SHROOM4: variants seen among roughly 807,000 people sequenced by gnomAD.
SHROOM4 encodes the protein shroom family member 4, also known as protein Shroom4.
SHROOM4 carries 17 observed loss-of-function variants against 80.3 expected under a neutral mutation model. The ratio of observed to expected loss-of-function variants is 0.21; its 90% CI spans 0.14 to 0.32. SHROOM4 has a LOEUF of 0.32. Among genes scored for constraint, SHROOM4 ranks in the 10% least tolerant of loss-of-function variants. SHROOM4 has a pLI of 1.00. For synonymous variants in SHROOM4, 400 were observed against 437.5 expected (o/e 0.91, Z 1.07); for missense variants, 993 against 1,140.3 (o/e 0.87, Z 1.86).
At chrX:50,679,951 T>C in intron 2 of SHROOM4, among the ~76,000 whole-genome samples, 1 of 112,487 alleles carries the variant, frequency 8.9e-6, no homozygotes, top group South Asian at 3.7e-4. Flanking sequence ...CATTCTTTTA[T>C]GAAACAATCC....
intron 1 of SHROOM4, among the ~76,000 whole-genome samples, chrX:50,751,197 G>A (rs1248139304): frequency 8.9e-6 from 1 of 112,054 alleles, no homozygotes; most frequent in Non-Finnish European, 1.9e-5. Context: ...CTATGCCAAA[G>A]AGAGTCCACA....
chrX:50,633,140 A>G lies in SHROOM4; in HGVS notation c.2895+38T>C, dbSNP rs188141657. On this transcript the variant is annotated intron_variant, in intron 4 of 8. Transcript: ENST00000376020. The stretch of plus-strand genomic sequence containing the variant: ...TACGTAGCTTTCCCCTCTCAAAGAC[A>G]ATAATGAAGGTTACCCACCCAAGAA... The G allele has an allele frequency of 1.1e-3, 1,251 of 1,135,633 alleles. 1 individual carries two copies. The highest frequency in any genetic ancestry group is 1.3e-3 in the Non-Finnish European group (1,063 of 831,050). The allele number at this position is 1,135,633 out of a possible 1,213,427, so 93.6% of individuals were successfully genotyped here.
At chrX:50,702,615 A>C (rs1261168324) in intron 1 of SHROOM4, among the ~76,000 whole-genome samples, 1 of 112,122 alleles carries the variant, frequency 8.9e-6, no homozygotes, top group Admixed American at 9.5e-5. Flanking sequence ...ATTTGAAAAA[A>C]TGGTTAACTC....
intron 1 of SHROOM4, among the ~76,000 whole-genome samples, chrX:50,747,904 T>C (rs138447729): frequency 0.029 from 3,214 of 111,856 alleles, 97 homozygotes; most frequent in African/African-American, 0.098. Context: ...TCATGAATCA[T>C]GGGTATTACC....
chrX:50,812,732 C>T (rs1444611125), intron 1 of SHROOM4, among the ~76,000 whole-genome samples: 1 of 94,258 alleles, frequency 1.1e-5, no homozygotes, highest in South Asian at 5.9e-4. Context: ...TGAGATGTGA[C>T]CAATGTTGAA....
intron 1 of SHROOM4, among the ~76,000 whole-genome samples, chrX:50,785,235 T>C (rs1935715030): frequency 8.9e-6 from 1 of 111,791 alleles, no homozygotes; most frequent in African/African-American, 3.3e-5. Flanking sequence ...ATACCTACCA[T>C]ATGACCCAGC....
At chrX:50,717,375 A>G (rs782199059) in intron 1 of SHROOM4, among the ~76,000 whole-genome samples, 13 of 111,254 alleles carry the variant, frequency 1.2e-4, no homozygotes, top group East Asian at 2.9e-4. Context: ...CCGCCACCAC[A>G]CCCAGCTAAA....
At chrX:50,781,291 T>G (rs983264752) in intron 1 of SHROOM4, among the ~76,000 whole-genome samples, 3 of 111,342 alleles carry the variant, frequency 2.7e-5, no homozygotes, top group Non-Finnish European at 3.8e-5. Context: ...CTTAGCCCAG[T>G]CAAGTTGACA....
At chrX:50,769,575 C>T (rs1241797560) in intron 1 of SHROOM4, among the ~76,000 whole-genome samples, 11 of 111,619 alleles carry the variant, frequency 9.9e-5, no homozygotes, top group Admixed American at 9.5e-4. Flanking sequence ...TCTAGCCATT[C>T]TGCCAATTAC....
chrX:50,735,890 C>T (rs1934474739), intron 1 of SHROOM4, among the ~76,000 whole-genome samples: 1 of 109,114 alleles, frequency 9.2e-6, no homozygotes, highest in Admixed American at 9.8e-5. Context: ...GCCTACAGTC[C>T]CGGATACTTG....
chrX:50,764,743 C>T (rs1935236058), intron 1 of SHROOM4, among the ~76,000 whole-genome samples: 1 of 112,041 alleles, frequency 8.9e-6, no homozygotes. Flanking sequence ...TCTGGAAGTC[C>T]TGCTCCTAAA....
At chrX:50,771,431 G>C (rs1367908513) in intron 1 of SHROOM4, among the ~76,000 whole-genome samples, 1 of 112,339 alleles carries the variant, frequency 8.9e-6, no homozygotes, top group Non-Finnish European at 1.9e-5. Context: ...TGGCAGTTTG[G>C]GAGAGGGAGT....
At chrX:50,637,100 A>G (rs1931391462) in intron 3 of SHROOM4, among the ~76,000 whole-genome samples, 1 of 111,742 alleles carries the variant, frequency 8.9e-6, no homozygotes, top group African/African-American at 3.3e-5. Flanking sequence ...CTGGAAGACC[A>G]AGGGAAGGGC....
intron 1 of SHROOM4, among the ~76,000 whole-genome samples, chrX:50,793,414 T>C (rs1356795075): frequency 2.7e-5 from 3 of 110,328 alleles, no homozygotes; most frequent in Non-Finnish European, 5.7e-5. Context: ...TAAAATCCTG[T>C]TAAAATTGTA....
rs1929097884 is a variant in SHROOM4 at position 50,596,099 on chromosome X, C to G, written c.*596G>C. On this transcript the variant is annotated 3_prime_UTR_variant, in exon 9 of 9. Coordinates refer to ENST00000376020, the MANE Select transcript of SHROOM4 (RefSeq NM_020717.5). ...CTGCTGGGAAAGGTAAGGGTAGAGCCTATTTAAACCTGGTTCCTTCCTAAG... is the reference window on the plus strand; with the variant it reads ...CTGCTGGGAAAGGTAAGGGTAGAGCGTATTTAAACCTGGTTCCTTCCTAAG... 1 of 328,559 alleles carries G rather than the reference C, an allele frequency of 3.0e-6. No homozygotes were observed. The highest frequency in any genetic ancestry group is 5.9e-6 in the Non-Finnish European group (1 of 169,875). 27.1% of individuals were successfully genotyped at this position (328,559 alleles called of 1,213,427 possible).
intron 1 of SHROOM4, among the ~76,000 whole-genome samples, chrX:50,738,806 T>C (rs1934569205): frequency 9.0e-6 from 1 of 111,666 alleles, no homozygotes; most frequent in Admixed American, 9.5e-5. Context: ...CATTGACTTT[T>C]TTCACAGAAT....
chrX:50,702,022 CA>C (rs1933530448), intron 1 of SHROOM4, among the ~76,000 whole-genome samples: 1 of 111,855 alleles, frequency 8.9e-6, no homozygotes, highest in Non-Finnish European at 1.9e-5. Flanking sequence ...AAAAGAACTA[CA>C]AATCAATAAG....
rs782092549 is a variant in SHROOM4, at chrX:50,616,312, T to G, written c.2958-8128A>C. On this transcript the variant is annotated intron_variant, in intron 5 of 8. Transcript: ENST00000376020. ...CCACTCTACTGGGCTTTTACCATTC[T>G]TTTTTCCTTCTCCCTGAAACTGGAT... 2.9e-4 allele frequency among the ~76,000 whole-genome samples: 33 copies of G among 112,000 alleles called. No individual in the cohort carries two copies. In the South Asian group the frequency reaches 9.5e-3, roughly 32 times the overall value.
At chrX:50,655,114 G>A (rs935997244) in intron 2 of SHROOM4, among the ~76,000 whole-genome samples, 9 of 109,052 alleles carry the variant, frequency 8.3e-5, no homozygotes, top group Admixed American at 1.0e-4. Flanking sequence ...TGCAAAGGAC[G>A]TGATTTCATT....
Sources: gnomAD v4.1 joint callset for allele counts (sites outside exome capture counted in the v4.1 genomes callset) on GRCh38, gnomAD v4.1.1 for gene constraint, MANE v1.5 for transcripts, NCBI Gene and HGNC (gene_info 2026-07-23, HGNC 2026-07-21) for gene names.